Variants in MIA2 observed in about 807,000 individuals in gnomAD.
MIA2 encodes MIA SH3 domain ER export factor 2, also known as melanoma inhibitory activity protein 2.
A neutral mutation model predicts 167.8 loss-of-function variants in MIA2; 127 were observed. The ratio of observed to expected loss-of-function variants is 0.76; its 90% CI spans 0.66 to 0.88. The LOEUF is 0.88. MIA2 is among the 40% of genes least tolerant of loss of function. MIA2 has a pLI of 0.00. For synonymous variants in MIA2, 552 were observed against 541.9 expected (o/e 1.02, Z -0.26); for missense variants, 1,690 against 1,624.7 (o/e 1.04, Z -0.69).
At chr14:39,345,825 G>GTAA in intron 25 of MIA2, 79 bp from the exon 26 acceptor site, 1 of 1,222,406 alleles carries the variant, frequency 8.2e-7, no homozygotes, top group Non-Finnish European at 1.1e-6. Flanking sequence ...GGTCAAAAGT[G>GTAA]TAAGTTCAAT....
At chr14:39,324,518 T>G (rs2067076509) in intron 24 of MIA2, among the ~76,000 whole-genome samples, 1 of 152,236 alleles carries the variant, frequency 6.6e-6, no homozygotes, top group South Asian at 2.1e-4. Flanking sequence ...TTATGCTGAT[T>G]TGTACAAGTT....
chr14:39,272,846 G>T (rs189440245), intron 6 of MIA2, among the ~76,000 whole-genome samples: 4 of 152,270 alleles, frequency 2.6e-5, no homozygotes, highest in Admixed American at 6.5e-5. Context: ...ACAATATTTT[G>T]TAGTTTCAGT....
intron 3 of MIA2, among the ~76,000 whole-genome samples, chr14:39,246,632 C>G (rs563376771): frequency 6.6e-6 from 1 of 152,230 alleles, no homozygotes; most frequent in African/African-American, 2.4e-5. Context: ...TCCTGGAGTT[C>G]AAGCAAGCTG....
In MIA2 at chr14:39,277,038, C is replaced by A. The variant is rs78536283; in HGVS notation, c.1992C>A (p.Leu664=). The A allele has an allele frequency of 7.4e-6, 12 of 1,611,850 alleles. No homozygotes were observed. Among genetic ancestry groups the A allele is most frequent in the Non-Finnish European group, 1.0e-5 (12 of 1,178,908 alleles). Residue 664 remains leucine, a synonymous_variant, in exon 7 of 29, where the codon CTC becomes CTA. Coordinates refer to ENST00000640607, the MANE Select transcript of MIA2 (RefSeq NM_001329214.4). ...CTGTTGTTGGATTTTTTGCTGTTCT[C>A]TTTTTTTTGTGGAGAAGTTTTAGAT... ...CAAVVGFFAV[L]FFLWRSFRSV... is the part of the protein sequence containing the mutation.
At chr14:39,285,006 C>A (rs1290793285) in intron 9 of MIA2, among the ~76,000 whole-genome samples, 1 of 152,136 alleles carries the variant, frequency 6.6e-6, no homozygotes, top group African/African-American at 2.4e-5. Context: ...TCTTGCACCG[C>A]CCTTAATCCA....
downstream of MIA2, among the ~76,000 whole-genome samples, chr14:39,354,812 T>C (rs538471712): frequency 3.7e-4 from 56 of 152,312 alleles, no homozygotes; most frequent in African/African-American, 1.3e-3. Context: ...ATTTATTAAA[T>C]AGAGAATCCT....
rs142937614 is a variant in MIA2, at chr14:39,247,115, T to A, written c.541T>A (p.Leu181Ile). ...TTTGTTTGAAGACCAAGTTCCAGCA[T>A]TAGAGGCTCCTGAAGATATCGGAAG... Reference protein sequence around the residue: ...STLFEDQVPALEAPEDIGSTS... With the variant: ...STLFEDQVPAIEAPEDIGSTS... The change falls in exon 4 of 29, where the codon TTA becomes ATA. Residue 181 changes from leucine to isoleucine, a missense_variant. Physicochemically the swap from Leu to Ile is conservative, Grantham distance 5 (BLOSUM62 2). Coordinates refer to ENST00000640607, the MANE Select transcript of MIA2 (RefSeq NM_001329214.4). The A allele has an allele frequency of 1.9e-6, 3 of 1,610,848 alleles. No individual in the cohort carries two copies. Among genetic ancestry groups the A allele is most frequent in the Non-Finnish European group, 2.5e-6 (3 of 1,179,326 alleles).
chr14:39,296,407 G>A (rs1331339483), intron 13 of MIA2, among the ~76,000 whole-genome samples: 1 of 151,682 alleles, frequency 6.6e-6, no homozygotes, highest in African/African-American at 2.4e-5. Flanking sequence ...AAGCTATTCA[G>A]ATAATTGGTC....
chr14:39,382,483 T>C (rs756181162), intron 23 of MIA2, among the ~76,000 whole-genome samples: 2 of 152,188 alleles, frequency 1.3e-5, no homozygotes, highest in Non-Finnish European at 2.9e-5. Flanking sequence ...TCTGCAAAGA[T>C]GATTTTGAGG....
At chr14:39,337,491 T>C (rs2070717941) in intron 25 of MIA2, among the ~76,000 whole-genome samples, 1 of 152,182 alleles carries the variant, frequency 6.6e-6, no homozygotes, top group African/African-American at 2.4e-5. Flanking sequence ...CACGTGTTTT[T>C]AAAGTAGCAG....
intron 10 of MIA2, among the ~76,000 whole-genome samples, chr14:39,292,514 G>A (rs116608151): frequency 0.02 from 3,092 of 152,222 alleles, 107 homozygotes; most frequent in African/African-American, 0.068. Context: ...AACCAGTAGA[G>A]TAATTTTCAT....
chr14:39,269,608 C>T (rs2056763466), intron 6 of MIA2, among the ~76,000 whole-genome samples: 1 of 151,858 alleles, frequency 6.6e-6, no homozygotes, highest in Non-Finnish European at 1.5e-5. Context: ...CAGCTTAGAC[C>T]TCTCTGGCTC....
Position 39,286,394 on chromosome 14 carries a change from A to G in MIA2, c.2131-4625A>G, listed in dbSNP as rs572974105. Among the ~76,000 whole-genome samples, 6 of 152,314 alleles carry G rather than the reference A, an allele frequency of 3.9e-5. No individual in the cohort carries two copies. In the East Asian group the frequency reaches 9.7e-4, roughly 25 times the overall value. ...GGTTGCAGTGAGCGGAGATGGCAGCAGTACAGTCCAGCTTTGGCTCGGCAT... is the reference window on the plus strand; with the variant it reads ...GGTTGCAGTGAGCGGAGATGGCAGCGGTACAGTCCAGCTTTGGCTCGGCAT... On this transcript the variant is annotated intron_variant, in intron 9 of 28. Transcript: ENST00000640607.
chr14:39,267,380 A>G lies in MIA2; in HGVS notation c.1888-9554A>G, dbSNP rs1007448812. On this transcript the variant is annotated intron_variant, in intron 6 of 28. Transcript: ENST00000640607. ...GGTGCGGATTCGGGTTCCGGACCGA[A>G]GGCTGTGTGTTCTCCGCCGTTTATT... 11 of 1,600,022 alleles carry G rather than the reference A, an allele frequency of 6.9e-6. No individual in the cohort carries two copies. The African/African-American group carries it at 8.1e-5, about 12-fold the overall frequency.
intron 25 of MIA2, among the ~76,000 whole-genome samples, chr14:39,339,312 C>CATTT (rs1222484194): frequency 2.6e-5 from 4 of 152,120 alleles, no homozygotes; most frequent in African/African-American, 9.7e-5. Context: ...TGACTACATA[C>CATTT]ATTTATTTAT....
chr14:39,234,608 G>A (rs1028178941), intron 1 of MIA2, among the ~76,000 whole-genome samples: 1 of 151,408 alleles, frequency 6.6e-6, no homozygotes, highest in African/African-American at 2.4e-5. Context: ...AATTTGATAG[G>A]CCTTTATTTA....
intron 23 of MIA2, among the ~76,000 whole-genome samples, chr14:39,364,330 A>G (rs1198475061): frequency 2.0e-5 from 3 of 151,986 alleles, no homozygotes; most frequent in South Asian, 4.1e-4. Context: ...TCATTGTGCC[A>G]CTGCACTCCA....
At chr14:39,300,998 A>G (rs1006185773) in intron 14 of MIA2, among the ~76,000 whole-genome samples, 1 of 149,304 alleles carries the variant, frequency 6.7e-6, no homozygotes, top group Non-Finnish European at 1.5e-5. Context: ...ATACACATAT[A>G]TACATATATA....
rs200246914 is a variant in MIA2, at chr14:39,348,891, C to A, written c.3986C>A (p.Pro1329Gln). ...PFLRRGPPFPPPPPGAMFGAS... is the reference protein window; with the variant it reads ...PFLRRGPPFPQPPPGAMFGAS... ...TTGAGAAGAGGACCTCCTTTCCCCC[C>A]ACCTCCTCCAGGAGCCATGTTTGGA... The change falls in exon 28 of 29, where the codon CCA becomes CAA. Residue 1329 changes from proline (P) to glutamine (Q), a missense_variant. Physicochemically the swap from Pro to Gln is moderately conservative, Grantham distance 76 (BLOSUM62 -1). Coordinates refer to ENST00000640607, the MANE Select transcript of MIA2 (RefSeq NM_001329214.4). The A allele has an allele frequency of 1.6e-5, 26 of 1,614,024 alleles. No individual in the cohort carries two copies. The highest frequency in any genetic ancestry group is 4.4e-5 in the South Asian group (4 of 91,086).
Sources: allele counts gnomAD v4.1 joint callset (sites outside exome capture counted in the v4.1 genomes callset), GRCh38; gene constraint gnomAD v4.1.1; transcripts MANE v1.5; gene names NCBI Gene and HGNC (gene_info 2026-07-23, HGNC 2026-07-21).